PCGF3: variants seen among roughly 807,000 people sequenced by gnomAD.
PCGF3 encodes polycomb group ring finger 3, also known as polycomb group RING finger protein 3.
Under a neutral mutation model 33.1 loss-of-function variants are expected in PCGF3, and 7 were observed. That is an observed-to-expected ratio of 0.21 (90% CI 0.12 to 0.40). PCGF3 has a LOEUF of 0.40. Ranked by LOEUF, PCGF3 falls within the 10% of genes least tolerant of loss-of-function variation. The pLI, the probability that PCGF3 is intolerant of heterozygous loss-of-function variation, is 1.00. For synonymous variants in PCGF3, 153 were observed against 121.3 expected (o/e 1.26, Z -1.72); for missense variants, 211 against 313.3 (o/e 0.67, Z 2.46).
At chr4:709,867 G>C (rs965067033) in intron 1 of PCGF3, among the ~76,000 whole-genome samples, 3 of 152,234 alleles carry the variant, frequency 2.0e-5, no homozygotes, top group Non-Finnish European at 4.4e-5. Context: ...TACTCGCCCA[G>C]TGTAACCGCC....
intron 9 of PCGF3, 69 bp downstream of exon 9, chr4:761,485 C>A (rs1577446374): frequency 1.4e-6 from 2 of 1,464,530 alleles, no homozygotes; most frequent in African/African-American, 1.4e-5. Flanking sequence ...CTCCAAGATT[C>A]TTTGCTTAGT....
rs187015750 is a variant in PCGF3 at position 728,403 on chromosome 4, G to A, written c.-189-2227G>A. Among the ~76,000 whole-genome samples, 968 of 151,804 alleles carry A rather than the reference G, an allele frequency of 6.4e-3. 8 individuals carry two copies. Among genetic ancestry groups the A allele is most frequent in the East Asian group, 0.025 (131 of 5,140 alleles). On this transcript the variant is annotated intron_variant, in intron 1 of 10. Coordinates refer to ENST00000362003, the Ensembl canonical transcript of PCGF3. ...GTGTTAAGTGTCGTAAGTAATCTGG[G>A]GATGGCGTAGAGTGCGTGGGGGGTG...
At chr4:707,514 CG>C (rs1181422651) in intron 1 of PCGF3, among the ~76,000 whole-genome samples, 2 of 105,028 alleles carry the variant, frequency 1.9e-5, no homozygotes, top group Non-Finnish European at 4.2e-5. Flanking sequence ...TGTTTTCACC[CG>C]GGGGCCGGGA....
chr4:742,831 G>A (rs1348267099), intron 6 of PCGF3, among the ~76,000 whole-genome samples: 1 of 152,232 alleles, frequency 6.6e-6, no homozygotes, highest in Non-Finnish European at 1.5e-5. Context: ...CCACTGCCAG[G>A]CAACGGGGTG....
chr4:755,328 G>A lies in PCGF3; in HGVS notation c.463-5951G>A, dbSNP rs150477896. On this transcript the variant is annotated intron_variant, in intron 8 of 10. Coordinates refer to ENST00000362003, the Ensembl canonical transcript of PCGF3. Reference sequence around the variant, plus strand: ...TTTCTGATTCCAGTCTCCTGTGTGTGGGGTGTCCAGCGACTCATCGCACGT... The same window carrying A: ...TTTCTGATTCCAGTCTCCTGTGTGTAGGGTGTCCAGCGACTCATCGCACGT... Among the ~76,000 whole-genome samples the A allele has an allele frequency of 1.6e-4, 24 of 152,294 alleles. No individual in the cohort carries two copies. The East Asian group carries it at 4.4e-3, about 28-fold the overall frequency.
intron 8 of PCGF3, among the ~76,000 whole-genome samples, chr4:756,211 C>A (rs1314371095): frequency 7.3e-6 from 1 of 137,734 alleles, no homozygotes; most frequent in Non-Finnish European, 1.6e-5. Flanking sequence ...CACCGCCGCA[C>A]TTGGCTTTTT....
chr4:711,234 C>T (rs1742548089), intron 1 of PCGF3, among the ~76,000 whole-genome samples: 1 of 152,210 alleles, frequency 6.6e-6, no homozygotes, highest in South Asian at 2.1e-4. Context: ...TAGACTACAG[C>T]GGCTCTGTGG....
chr4:734,018 A>G, intron 4 of PCGF3: 15 of 1,550,864 alleles, frequency 9.7e-6, no homozygotes, highest in Middle Eastern at 1.7e-4. Context: ...AGAGCGAAAC[A>G]CAGGAGAGAC....
At chr4:754,770 A>G (rs1354558027) in intron 8 of PCGF3, among the ~76,000 whole-genome samples, 1 of 152,182 alleles carries the variant, frequency 6.6e-6, no homozygotes, top group Non-Finnish European at 1.5e-5. Context: ...GAGGGTTGCC[A>G]CTTAGCGCAG....
rs538427505 is a variant in PCGF3 at position 721,844 on chromosome 4, G to A, written c.-189-8786G>A. 3.3e-5 allele frequency among the ~76,000 whole-genome samples: 5 copies of A among 149,510 alleles called. No homozygotes were observed. Among genetic ancestry groups the A allele is most frequent in the Non-Finnish European group, 5.9e-5 (4 of 67,682 alleles). The stretch of plus-strand genomic sequence containing the variant: ...GGGTGGATGGGTGTCTCTGCATGTG[G>A]GTGTGGAAAGAGGCCTGTGGGAGAC... On this transcript the variant is annotated intron_variant, in intron 1 of 10. Coordinates refer to ENST00000362003, the Ensembl canonical transcript of PCGF3. This position sits in a 1 kb window ranked among gnomAD's most constrained non-coding sequence, Gnocchi z 4.1.
chr4:713,020 G>A (rs1397592542), intron 1 of PCGF3, among the ~76,000 whole-genome samples: 1 of 149,952 alleles, frequency 6.7e-6, no homozygotes, highest in East Asian at 2.0e-4. Flanking sequence ...GGCCTTGTTG[G>A]GGGCCTGTGG....
intron 9 of PCGF3, chr4:762,206 G>A: frequency 7.2e-6 from 4 of 553,256 alleles, no homozygotes; most frequent in Non-Finnish European, 6.9e-6. Context: ...ATTAAATAAA[G>A]GATTTTGGGA....
chr4:722,797 TCCACGCCGGGTCCACACTCGCGACATC>T lies in PCGF3; in HGVS notation c.-189-7832_-189-7806del, dbSNP rs1157949639. On this transcript the variant is annotated intron_variant, in intron 1 of 10. Transcript: ENST00000362003. ...CGGGTCCACACTCGCGTCATCGCCA[TCCACGCCGGGTCCACACTCGCGACATC>T]GCCATCCACGCCGGGTCCACACTCG... 1.3e-3 allele frequency among the ~76,000 whole-genome samples: 65 copies of T among 50,472 alleles called. 1 individual carries two copies. The highest frequency in any genetic ancestry group is 2.4e-3 in the African/African-American group (23 of 9,612). 33.1% of individuals were successfully genotyped at this position (50,472 alleles called of 152,430 possible).
chr4:712,924 C>G (rs1189133504), intron 1 of PCGF3, among the ~76,000 whole-genome samples: 1 of 152,212 alleles, frequency 6.6e-6, no homozygotes, highest in Non-Finnish European at 1.5e-5. Flanking sequence ...CTTGAAACTC[C>G]CTCTAATCAG....
chr4:731,474 A>C (rs1399607744), intron 3 of PCGF3: 9 of 285,136 alleles, frequency 3.2e-5, no homozygotes, highest in Non-Finnish European at 5.9e-5. Context: ...TCAGGGGCGC[A>C]GGGCAGGGCT....
intron 4 of PCGF3, chr4:734,715 A>AG: frequency 7.4e-7 from 1 of 1,349,152 alleles, no homozygotes; most frequent in Non-Finnish European, 9.5e-7. Context: ...TGCCTCTTTG[A>AG]GGAAGCCCAT....
intron 8 of PCGF3, among the ~76,000 whole-genome samples, chr4:758,452 G>T (rs1439659643): frequency 1.6e-5 from 2 of 123,228 alleles, no homozygotes; most frequent in African/African-American, 6.4e-5. Flanking sequence ...TTCTCCTTCC[G>T]GACTCCGGGT....
At chr4:769,610 C>T (rs1335690682) in exon 11 of PCGF3, 3 of 151,490 alleles carry the variant, frequency 2.0e-5, no homozygotes, top group Non-Finnish European at 4.5e-5. Context: ...GGCCACGTGG[C>T]CAAGGCCCTG....
intron 8 of PCGF3, among the ~76,000 whole-genome samples, chr4:751,790 T>C (rs1744525324): frequency 6.6e-6 from 1 of 152,234 alleles, no homozygotes; most frequent in Non-Finnish European, 1.5e-5. Flanking sequence ...TCTAGGTTTG[T>C]TCAGCAGCCA....
Sources: allele counts gnomAD v4.1 joint callset (sites outside exome capture counted in the v4.1 genomes callset), GRCh38; gene constraint gnomAD v4.1.1; non-coding constraint Gnocchi (gnomAD v3.1); transcripts MANE v1.5; gene names NCBI Gene and HGNC (gene_info 2026-07-23, HGNC 2026-07-21).